CDC14B: variants seen among roughly 807,000 people sequenced by gnomAD.
The protein encoded by CDC14B is cell division cycle 14B.
Under a neutral mutation model 64.2 loss-of-function variants are expected in CDC14B, and 22 were observed. The observed-to-expected ratio is 0.34, with a 90% CI of 0.24 to 0.49. The LOEUF is 0.49. Among genes scored for constraint, CDC14B ranks in the 20% least tolerant of loss-of-function variants. The pLI is 0.99. For missense variants in CDC14B, 498 were observed against 629.9 expected, an observed-to-expected ratio of 0.79 and a Z score of 2.24; for synonymous variants, 191 against 215.8, an observed-to-expected ratio of 0.89 and a Z score of 1.01.
At chr9:96,550,190 A>AAATG (rs1841598894) in intron 5 of CDC14B, among the ~76,000 whole-genome samples, 1 of 152,226 alleles carries the variant, frequency 6.6e-6, no homozygotes, top group Admixed American at 6.5e-5. Flanking sequence ...CCAGCTTAGA[A>AAATG]AATGATCTTT....
chr9:96,532,857 T>C (rs2131701884), intron 9 of CDC14B, among the ~76,000 whole-genome samples: 1 of 152,346 alleles, frequency 6.6e-6, no homozygotes, highest in South Asian at 2.1e-4. Context: ...ATAAATCGTT[T>C]CCTTGACTTT....
At chr9:96,595,493 A>G (rs946314138) in intron 1 of CDC14B, among the ~76,000 whole-genome samples, 1 of 152,230 alleles carries the variant, frequency 6.6e-6, no homozygotes, top group Non-Finnish European at 1.5e-5. Flanking sequence ...ATCTACCTAT[A>G]CACACCCACA....
chr9:96,557,714 C>G (rs965528037), intron 4 of CDC14B, among the ~76,000 whole-genome samples: 1 of 152,030 alleles, frequency 6.6e-6, no homozygotes, highest in Non-Finnish European at 1.5e-5. Context: ...ACAAGGTAAG[C>G]CATTCTTACA....
intron 4 of CDC14B, among the ~76,000 whole-genome samples, chr9:96,556,528 G>A (rs977058562): frequency 3.3e-5 from 5 of 151,546 alleles, no homozygotes; most frequent in African/African-American, 9.7e-5. Context: ...AAAAAAACTC[G>A]TTAAAAAAAA....
At chr9:96,596,735 C>A (rs1291886539) in intron 1 of CDC14B, among the ~76,000 whole-genome samples, 1 of 151,866 alleles carries the variant, frequency 6.6e-6, no homozygotes, top group African/African-American at 2.4e-5. Flanking sequence ...GTGGCATGTG[C>A]CTGTAGTCCC....
chr9:96,602,353 C>T (rs868578215), intron 1 of CDC14B, among the ~76,000 whole-genome samples: 3 of 147,116 alleles, frequency 2.0e-5, no homozygotes, highest in East Asian at 1.9e-4. Context: ...AAAAGAATTA[C>T]GTCTGTATTT....
chr9:96,601,665 C>T (rs565675024), intron 1 of CDC14B, among the ~76,000 whole-genome samples: 23 of 151,400 alleles, frequency 1.5e-4, no homozygotes, highest in African/African-American at 5.3e-4. Flanking sequence ...TGGTGGCAGG[C>T]GCCTGCAGTC....
At chr9:96,559,448 G>A (rs933299449) in intron 4 of CDC14B, among the ~76,000 whole-genome samples, 12 of 152,196 alleles carry the variant, frequency 7.9e-5, no homozygotes, top group African/African-American at 2.7e-4. Flanking sequence ...TATCAAGGAT[G>A]CGGATCAGTT....
Position 96,555,918 on chromosome 9 carries a change from C to G in CDC14B, c.421-4046G>C, listed in dbSNP as rs113926390. On this transcript the variant is annotated intron_variant, in intron 4 of 13. Transcript: ENST00000375241. The stretch of plus-strand genomic sequence containing the variant: ...CGCTGGACCCTCGATTACTAACATA[C>G]GTTTCAAAACCTCGGAGGTATTGAA... 8.3e-3 allele frequency among the ~76,000 whole-genome samples: 1,159 copies of G among 139,764 alleles called. 22 individuals are homozygous for G. The highest frequency in any genetic ancestry group is 0.026 in the African/African-American group (1,080 of 40,840). 91.7% of individuals were successfully genotyped at this position (139,764 alleles called of 152,430 possible).
At chr9:96,514,726 A>G in intron 12 of CDC14B, 1 of 985,460 alleles carries the variant, frequency 1.0e-6, no homozygotes, top group Non-Finnish European at 1.2e-6. Context: ...GCTTCAGAGA[A>G]GGAAGAACGC....
At position 96,592,037 on chromosome 9, in the gene CDC14B, G is replaced by A. The variant is rs148135297; in HGVS notation, c.161-26554C>T. Among the ~76,000 whole-genome samples the A allele has an allele frequency of 5.8e-3, 880 of 152,042 alleles. 9 individuals are homozygous for A. Among genetic ancestry groups the A allele is most frequent in the African/African-American group, 0.019 (808 of 41,492 alleles). ...TGGGATTACAGGCATGAGCCACAGC[G>A]CCCGGCCTGTCTTTAATTTCTTTCA... is the stretch of plus-strand genomic sequence containing the variant. On this transcript the variant is annotated intron_variant, in intron 1 of 13. Coordinates refer to ENST00000375241, the MANE Select transcript of CDC14B (RefSeq NM_033331.4).
intron 1 of CDC14B, among the ~76,000 whole-genome samples, chr9:96,584,219 T>G (rs939912657): frequency 6.6e-6 from 1 of 152,202 alleles, no homozygotes; most frequent in African/African-American, 2.4e-5. Context: ...TGGCAGACTT[T>G]TTCATCTGAG....
At chr9:96,511,118 G>C (rs1484578738) in intron 12 of CDC14B, among the ~76,000 whole-genome samples, 2 of 152,142 alleles carry the variant, frequency 1.3e-5, no homozygotes, top group Admixed American at 1.3e-4. Context: ...TACAATTAGT[G>C]AGCATCCCAC....
At chr9:96,567,826 T>A (rs552139040) in intron 1 of CDC14B, among the ~76,000 whole-genome samples, 1 of 152,022 alleles carries the variant, frequency 6.6e-6, no homozygotes. Flanking sequence ...ACAACCGGAG[T>A]GTCTGTAACA....
At chr9:96,552,558 T>C (rs1475092042) in intron 4 of CDC14B, among the ~76,000 whole-genome samples, 1 of 152,220 alleles carries the variant, frequency 6.6e-6, no homozygotes, top group Non-Finnish European at 1.5e-5. Flanking sequence ...TCTGCAGTCA[T>C]TTCCTCTTGA....
chr9:96,508,202 G>A (rs755781487), intron 13 of CDC14B, among the ~76,000 whole-genome samples: 18 of 151,976 alleles, frequency 1.2e-4, no homozygotes, highest in Non-Finnish European at 2.6e-4. Context: ...TTTTAGTAGA[G>A]ACGGGGTTTC....
At chr9:96,601,118 G>A (rs1020781910) in intron 1 of CDC14B, among the ~76,000 whole-genome samples, 3 of 151,904 alleles carry the variant, frequency 2.0e-5, no homozygotes, top group Non-Finnish European at 2.9e-5. Flanking sequence ...AAGTATATGC[G>A]ACATAGCAAG....
chr9:96,530,785 T>A (rs1054890453), intron 9 of CDC14B, among the ~76,000 whole-genome samples: 1 of 152,144 alleles, frequency 6.6e-6, no homozygotes, highest in South Asian at 2.1e-4. Context: ...CCATTGAGTA[T>A]GATGTTAGCT....
intron 6 of CDC14B, among the ~76,000 whole-genome samples, chr9:96,541,165 C>A (rs897806942): frequency 6.6e-6 from 1 of 152,210 alleles, no homozygotes; most frequent in African/African-American, 2.4e-5. Context: ...GCTGTCCTGA[C>A]ATTAATACCA....
Sources: gnomAD v4.1 joint callset for allele counts (sites outside exome capture counted in the v4.1 genomes callset) on GRCh38, gnomAD v4.1.1 for gene constraint, MANE v1.5 for transcripts, NCBI Gene and HGNC (gene_info 2026-07-23, HGNC 2026-07-21) for gene names.